The following DSP variants were observed in gnomAD, a reference collection of about 807,000 sequenced individuals.
DSP encodes desmoplakin.
DSP carries 114 observed loss-of-function variants against 290.6 expected under a neutral mutation model. That is an observed-to-expected ratio of 0.39 (90% CI 0.34 to 0.46). The LOEUF is 0.46. Ranked by LOEUF, DSP falls within the 20% of genes least tolerant of loss-of-function variation. The probability of loss-of-function intolerance (pLI) is 0.99; values close to 1 mark genes in which losing one functional copy is unlikely to be tolerated. For missense variants in DSP, 3,230 were observed against 3,495.8 expected, an observed-to-expected ratio of 0.92 and a Z score of 1.92; for synonymous variants, 1,311 against 1,316.4, an observed-to-expected ratio of 1.00 and a Z score of 0.09.
rs2491080 is a variant in DSP, at chr6:7,579,472, G to C, written c.3282G>C (p.Lys1094Asn). 5.6e-6 allele frequency: 9 copies of C among 1,614,104 alleles called. No homozygotes were observed. Among genetic ancestry groups the C allele is most frequent in the Non-Finnish European group, 7.6e-6 (9 of 1,180,034 alleles). The change falls in exon 23 of 24, where the codon AAG becomes AAC. Residue 1094 changes from lysine (K) to asparagine (N), a missense_variant. Transcript: ENST00000379802. The surrounding 1 kb of genome is among the most constrained non-coding windows in gnomAD (Gnocchi z 4.1). ...CTGAGCTGGATGGGAAGTCGGCTAA[G>C]CAAAATCTAGACAAGTGCTACGGCC... Reference protein sequence around the residue: ...RQAELDGKSAKQNLDKCYGQI... With the variant: ...RQAELDGKSANQNLDKCYGQI...
Position 7,571,926 on chromosome 6 carries a change from A to G in DSP, c.1988A>G (p.Lys663Arg), listed in dbSNP as rs774075664. The change falls in exon 15 of 24, where the codon AAG (lysine) becomes AGG (arginine). Residue 663 changes from lysine (K) to arginine (R), a missense_variant. Transcript: ENST00000379802. Reference sequence around the variant, plus strand: ...ATTGAAACCAACAGAGAAAATGACAAGCAAGAAACATGGATGCTGATGGAG... The same window carrying G: ...ATTGAAACCAACAGAGAAAATGACAGGCAAGAAACATGGATGCTGATGGAG... ...KVIETNREND[K>R]QETWMLMELQ... 6 of 1,614,198 alleles carry G rather than the reference A, an allele frequency of 3.7e-6. No homozygotes were observed. The South Asian group carries it at 6.6e-5, about 18-fold the overall frequency.
At chr6:7,570,914 G>C (rs1759025358) in intron 13 of DSP, among the ~76,000 whole-genome samples, 2 of 152,140 alleles carry the variant, frequency 1.3e-5, no homozygotes, top group African/African-American at 4.8e-5. Context: ...AAAAGTAAAA[G>C]GTGGGATAGA....
chr6:7,579,845 A>G lies in DSP; in HGVS notation c.3655A>G (p.Thr1219Ala), dbSNP rs771655009. 1.2e-6 allele frequency: 2 copies of G among 1,614,174 alleles called. No homozygotes were observed. Residue 1219 changes from threonine to alanine, a missense_variant, in exon 23 of 24, where the codon ACC (threonine) becomes GCC (alanine). Physicochemically the swap from Thr to Ala is moderately conservative, Grantham distance 58. Around this residue, in one of 5 missense-constraint regions of DSP, gnomAD observed 1,714 missense variants for 1,844.5 expected, o/e 0.93. Transcript: ENST00000379802. The surrounding 1 kb of genome is among the most constrained non-coding windows in gnomAD (Gnocchi z 4.1). ...TGAAACAGAGATTAACATTACGAAG[A>G]CCACCATCAAGGAGATATCCATGCA... is the stretch of plus-strand genomic sequence containing the variant. ...KYETEINITK[T>A]TIKEISMQKE... is the part of the protein sequence containing the mutation.
intron 4 of DSP, among the ~76,000 whole-genome samples, chr6:7,560,052 G>A (rs1758631097): frequency 6.6e-6 from 1 of 152,218 alleles, no homozygotes; most frequent in Non-Finnish European, 1.5e-5. Flanking sequence ...TTGTTGTGTT[G>A]TTTCATGTAG....
chr6:7,542,217 C>G lies in DSP; in HGVS notation c.170+132C>G, dbSNP rs553686040. 6 of 1,268,704 alleles carry G rather than the reference C, an allele frequency of 4.7e-6. No individual in the cohort carries two copies. In the Admixed American group the frequency reaches 1.3e-4, roughly 28 times the overall value. The allele number at this position is 1,268,704 out of a possible 1,614,324, so 78.6% of individuals were successfully genotyped here. ...TTTGCCCCAGGTCCCGAAAGAACTTCCCGGCCGCGCTGGGAGCAGGACCGG... is the reference window on the plus strand; with the variant it reads ...TTTGCCCCAGGTCCCGAAAGAACTTGCCGGCCGCGCTGGGAGCAGGACCGG... On this transcript the variant is annotated intron_variant, in intron 1 of 23. Coordinates refer to ENST00000379802, the MANE Select transcript of DSP (RefSeq NM_004415.4).
chr6:7,579,080 A>T lies in DSP; in HGVS notation c.3085-195A>T, dbSNP rs1759333217. On this transcript the variant is annotated intron_variant, in intron 22 of 23. Coordinates refer to ENST00000379802, the MANE Select transcript of DSP (RefSeq NM_004415.4). The surrounding 1 kb of genome is among the most constrained non-coding windows in gnomAD (Gnocchi z 4.1). ...AGATAATATATCATTTGCTAAGAGC[A>T]TATGAGCAGCTGGTGCAAGAATTAT... 6.6e-6 allele frequency among the ~76,000 whole-genome samples: 1 copy of T among 152,248 alleles called. No homozygotes were observed. The highest frequency in any genetic ancestry group is 1.5e-5 in the Non-Finnish European group (1 of 68,046).
In DSP at chr6:7,585,395, G is replaced by T. The variant is rs375348086; in HGVS notation, c.8133G>T (p.Glu2711Asp). The change falls in exon 24 of 24, where the codon GAG (glutamate) becomes GAT (aspartate). Residue 2711 changes from glutamate to aspartate, a missense_variant. Glu to Asp is a conservative substitution (Grantham distance 45). Coordinates refer to ENST00000379802, the MANE Select transcript of DSP (RefSeq NM_004415.4). ...VKGKKKMSAAEAVKEKWLPYE... is the reference protein window; with the variant it reads ...VKGKKKMSAADAVKEKWLPYE... Reference sequence around the variant, plus strand: ...GAAAGAAGAAGATGTCAGCAGCAGAGGCAGTGAAAGAAAAATGGCTCCCGT... The same window carrying T: ...GAAAGAAGAAGATGTCAGCAGCAGATGCAGTGAAAGAAAAATGGCTCCCGT... 3.1e-6 allele frequency: 5 copies of T among 1,614,014 alleles called. No homozygotes were observed. The African/African-American group carries it at 4.0e-5, about 13-fold the overall frequency.
intron 15 of DSP, among the ~76,000 whole-genome samples, chr6:7,573,755 G>A (rs1447912959): frequency 6.6e-6 from 1 of 152,166 alleles, no homozygotes; most frequent in African/African-American, 2.4e-5. Flanking sequence ...GATTACCGGG[G>A]TGGGGAGGGA....
Position 7,582,779 on chromosome 6 carries a change from A to C in DSP, c.5517A>C (p.Ala1839=), listed in dbSNP as rs764240800. The C allele has an allele frequency of 1.2e-6, 2 of 1,614,058 alleles. No homozygotes were observed. The highest frequency in any genetic ancestry group is 3.3e-5 in the Admixed American group (2 of 60,002). ...LQRLEDELNR[A]KSTLEAETRV... ...GGCTGGAGGATGAGCTGAATCGTGCAAAATCAACTCTAGAGGCAGAAACCA... is the reference window on the plus strand; with the variant it reads ...GGCTGGAGGATGAGCTGAATCGTGCCAAATCAACTCTAGAGGCAGAAACCA... The change falls in exon 24 of 24, where the codon GCA becomes GCC. Residue 1839 remains alanine (A), a synonymous_variant. Transcript: ENST00000379802. The surrounding 1 kb of genome is among the most constrained non-coding windows in gnomAD (Gnocchi z 4.2).
chr6:7,572,072 G>A lies in DSP; in HGVS notation c.2130+4G>A, dbSNP rs1470619184. The A allele has an allele frequency of 6.2e-7, 1 of 1,611,762 alleles. No individual in the cohort carries two copies. Among genetic ancestry groups the A allele is most frequent in the East Asian group, 2.2e-5 (1 of 44,876 alleles). ...AGTGAAAATTAACGAGCTTAAGGTA[G>A]GTATCTGCTAGTATTTTGCCTGGTT... On this transcript the variant is annotated splice_donor_region_variant and intron_variant, in intron 15 of 23. Coordinates refer to ENST00000379802, the MANE Select transcript of DSP (RefSeq NM_004415.4).
At chr6:7,555,372 G>A (rs922620457) in intron 1 of DSP, among the ~76,000 whole-genome samples, 2 of 151,792 alleles carry the variant, frequency 1.3e-5, no homozygotes, top group Non-Finnish European at 1.5e-5. Flanking sequence ...GGAATGATAT[G>A]CTAAGATATT....
At chr6:7,576,489 T>C (rs1309281897) in intron 19 of DSP, 33 bp downstream of exon 19, 1 of 1,613,046 alleles carries the variant, frequency 6.2e-7, no homozygotes. Flanking sequence ...ATAGCTGTTT[T>C]GAGATTAATT....
chr6:7,563,704 T>C (rs373456357), intron 5 of DSP, 32 bp from the exon 6 acceptor site: 17 of 1,590,332 alleles, frequency 1.1e-5, no homozygotes, highest in Admixed American at 3.3e-5. Context: ...CACAAGGGGA[T>C]TTATATCTAC....
Position 7,585,902 on chromosome 6 carries a change from T to C in DSP, c.*24T>C. On this transcript the variant is annotated 3_prime_UTR_variant, in exon 24 of 24. Transcript: ENST00000379802. ...AGTAGTCAGTTGGGAGTGGTTGCTATACCTTGACTTCATTTATATGAATTT... is the reference window on the plus strand; with the variant it reads ...AGTAGTCAGTTGGGAGTGGTTGCTACACCTTGACTTCATTTATATGAATTT... 6.2e-7 allele frequency: 1 copy of C among 1,602,808 alleles called. No individual in the cohort carries two copies. Among genetic ancestry groups the C allele is most frequent in the Non-Finnish European group, 8.5e-7 (1 of 1,171,224 alleles).
At chr6:7,546,448 C>T (rs978869230) in intron 1 of DSP, among the ~76,000 whole-genome samples, 1 of 152,280 alleles carries the variant, frequency 6.6e-6, no homozygotes, top group Admixed American at 6.5e-5. Flanking sequence ...CAGCAAATAC[C>T]TGTGATGTGC....
At position 7,583,928 on chromosome 6, in the gene DSP, A is replaced by G; in HGVS notation, c.6666A>G (p.Leu2222=). The part of the protein sequence containing the change: ...GIRQPVTVTE[L]VDSGILRPST... Reference sequence around the variant, plus strand: ...GACAACCTGTGACCGTCACTGAGCTAGTAGATTCTGGTATATTGAGACCGT... The same window carrying G: ...GACAACCTGTGACCGTCACTGAGCTGGTAGATTCTGGTATATTGAGACCGT... The change falls in exon 24 of 24, where the codon CTA becomes CTG. Residue 2222 remains leucine, a synonymous_variant. Coordinates refer to ENST00000379802, the MANE Select transcript of DSP (RefSeq NM_004415.4). This position sits in a 1 kb window ranked among gnomAD's most constrained non-coding sequence, Gnocchi z 4.0. The G allele has an allele frequency of 6.2e-7, 1 of 1,614,172 alleles. No individual in the cohort carries two copies. Among genetic ancestry groups the G allele is most frequent in the Non-Finnish European group, 8.5e-7 (1 of 1,180,024 alleles).
intron 9 of DSP, 139 bp downstream of exon 9, chr6:7,567,588 A>G (rs1758899844): frequency 8.7e-7 from 1 of 1,143,026 alleles, no homozygotes; most frequent in Admixed American, 1.9e-5. Context: ...AGAGTAGCAT[A>G]GATTTGCAAC....
At chr6:7,569,370 A>G (rs371352724) in intron 12 of DSP, 30 bp downstream of exon 12, 9 of 1,614,050 alleles carry the variant, frequency 5.6e-6, no homozygotes, top group Non-Finnish European at 6.8e-6. Context: ...AAAGCCACGC[A>G]TGCACGCATG....
Position 7,579,768 on chromosome 6 carries a change from C to A in DSP, c.3578C>A (p.Ala1193Glu). The A allele has an allele frequency of 3.7e-6, 6 of 1,613,578 alleles. No individual in the cohort carries two copies. The highest frequency in any genetic ancestry group is 5.1e-6 in the Non-Finnish European group (6 of 1,179,856). ...TRKREYENEL[A>E]KVRNHYNEEM... ...AAGAGAGAATATGAAAATGAGCTGGCAAAGGTAAGAAACCACTATAATGAG... is the reference window on the plus strand; with the variant it reads ...AAGAGAGAATATGAAAATGAGCTGGAAAAGGTAAGAAACCACTATAATGAG... The change falls in exon 23 of 24, where the codon GCA (alanine) becomes GAA (glutamate). Residue 1193 changes from alanine (A) to glutamate (E), a missense_variant. Ala to Glu is a moderately radical substitution (Grantham distance 107). Around this residue, in one of 5 missense-constraint regions of DSP, gnomAD observed 1,714 missense variants for 1,844.5 expected, o/e 0.93. Coordinates refer to ENST00000379802, the MANE Select transcript of DSP (RefSeq NM_004415.4). This position sits in a 1 kb window ranked among gnomAD's most constrained non-coding sequence, Gnocchi z 4.1.
Sources: allele counts gnomAD v4.1 joint callset (sites outside exome capture counted in the v4.1 genomes callset), GRCh38; gene constraint gnomAD v4.1.1; regional missense constraint gnomAD v4.1.1; non-coding constraint Gnocchi (gnomAD v3.1); transcripts MANE v1.5; gene names NCBI Gene and HGNC (gene_info 2026-07-23, HGNC 2026-07-21).